PEAK1: variants seen among roughly 807,000 people sequenced by gnomAD.
The protein encoded by PEAK1 is inactive tyrosine-protein kinase PEAK1.
In PEAK1, 54 loss-of-function variants were observed where a neutral mutation model predicts 124.7. The ratio of observed to expected loss-of-function variants is 0.43; its 90% CI spans 0.35 to 0.54. The LOEUF (loss-of-function observed/expected upper bound fraction) is 0.54, where lower values mean the gene tolerates loss of function less well. Among genes scored for constraint, PEAK1 ranks in the 20% least tolerant of loss-of-function variants. The pLI is 0.01. For synonymous variants in PEAK1, 719 were observed against 760.0 expected (o/e 0.95, Z 0.89); for missense variants, 2,046 against 2,134.5 (o/e 0.96, Z 0.82).
chr15:77,345,735 A>AT, intron 2 of PEAK1: 6 of 247,646 alleles, frequency 2.4e-5, no homozygotes, highest in Non-Finnish European at 3.9e-5. Context: ...GGCTAAAATA[A>AT]TTTTTTTTGT....
At chr15:77,364,693 A>G (rs1049058860) in intron 2 of PEAK1, among the ~76,000 whole-genome samples, 5 of 152,248 alleles carry the variant, frequency 3.3e-5, no homozygotes, top group Non-Finnish European at 7.3e-5. Context: ...ATAGAAGGCA[A>G]CTATTAACCT....
At chr15:77,322,254 C>A (rs555804555) in intron 2 of PEAK1, among the ~76,000 whole-genome samples, 41 of 152,188 alleles carry the variant, frequency 2.7e-4, no homozygotes, top group African/African-American at 9.6e-4. Flanking sequence ...CAAAAGCTAG[C>A]AGAAGGCAAG....
downstream of PEAK1, chr15:77,106,229 T>C (rs985828667): frequency 1.3e-5 from 2 of 152,284 alleles, no homozygotes; most frequent in African/African-American, 4.8e-5. Context: ...TTTATTTCTG[T>C]AACCAGTTAC....
intron 2 of PEAK1, chr15:77,349,966 C>G: frequency 1.0e-6 from 1 of 985,000 alleles, no homozygotes. Context: ...CAAATTCTTC[C>G]TTTAAAAAGG....
At chr15:77,230,205 C>CTT (rs35142497) in intron 6 of PEAK1, among the ~76,000 whole-genome samples, 1 of 148,022 alleles carries the variant, frequency 6.8e-6, no homozygotes. Context: ...TGAGATAAGT[C>CTT]TTTTTTTTTT....
intron 2 of PEAK1, among the ~76,000 whole-genome samples, chr15:77,338,659 A>AT (rs1168751010): frequency 6.7e-6 from 1 of 150,000 alleles, no homozygotes; most frequent in Non-Finnish European, 1.5e-5. Flanking sequence ...ATATATATAT[A>AT]TATGTATCTA....
chr15:77,163,419 T>C lies in PEAK1; in HGVS notation c.3138-4723A>G, dbSNP rs568389578. On this transcript the variant is annotated intron_variant, in intron 7 of 9. Transcript: ENST00000682557. ...GGTTGTATCTCATCAGTCTGCCATA[T>C]TCATACATAATTCAAAGCTGCAGAA... Among the ~76,000 whole-genome samples the C allele has an allele frequency of 4.7e-4, 72 of 152,344 alleles. No homozygotes were observed. The Middle Eastern group carries it at 0.014, about 29-fold the overall frequency.
intron 1 of PEAK1, among the ~76,000 whole-genome samples, chr15:77,388,063 T>G (rs2070107960): frequency 6.6e-6 from 1 of 152,084 alleles, no homozygotes; most frequent in Non-Finnish European, 1.5e-5. Context: ...CGTGGTGGTG[T>G]GCACCTGTGG....
intron 2 of PEAK1, among the ~76,000 whole-genome samples, chr15:77,301,328 T>C (rs1232164561): frequency 3.3e-5 from 5 of 152,174 alleles, no homozygotes; most frequent in African/African-American, 7.2e-5. Context: ...ACACCCCTCA[T>C]TGGATTTAGA....
intron 6 of PEAK1, among the ~76,000 whole-genome samples, chr15:77,204,077 A>G (rs2058508085): frequency 6.6e-6 from 1 of 152,228 alleles, no homozygotes; most frequent in African/African-American, 2.4e-5. Context: ...TAAGAAAATG[A>G]ACAACCAATT....
chr15:77,183,032 G>A (rs2057365521), intron 6 of PEAK1, among the ~76,000 whole-genome samples: 1 of 152,056 alleles, frequency 6.6e-6, no homozygotes. Context: ...GGAAGAAGGG[G>A]GAAAGGTAAG....
At chr15:77,186,377 T>C (rs1282684998) in intron 6 of PEAK1, among the ~76,000 whole-genome samples, 1 of 152,218 alleles carries the variant, frequency 6.6e-6, no homozygotes, top group East Asian at 1.9e-4. Context: ...TAAAAGTAAG[T>C]TAATTCAGTC....
At chr15:77,211,848 C>CAAA (rs34360713) in intron 6 of PEAK1, among the ~76,000 whole-genome samples, 42 of 49,464 alleles carry the variant, frequency 8.5e-4, no homozygotes, top group East Asian at 1.3e-3. Flanking sequence ...AACTCCATCT[C>CAAA]AAAAAAAAAA....
chr15:77,165,438 C>A (rs2056017390), intron 7 of PEAK1, among the ~76,000 whole-genome samples: 1 of 152,150 alleles, frequency 6.6e-6, no homozygotes, highest in African/African-American at 2.4e-5. Flanking sequence ...CTCAGGTAAT[C>A]CGCCTGCCTC....
intron 2 of PEAK1, among the ~76,000 whole-genome samples, chr15:77,288,813 C>T (rs1163368419): frequency 6.6e-6 from 1 of 151,498 alleles, no homozygotes; most frequent in Non-Finnish European, 1.5e-5. Flanking sequence ...CCTGTAGTCC[C>T]AGCTACTCGG....
intron 1 of PEAK1, among the ~76,000 whole-genome samples, chr15:77,391,093 T>C (rs900833728): frequency 6.6e-6 from 1 of 152,150 alleles, no homozygotes; most frequent in African/African-American, 2.4e-5. Flanking sequence ...TGACTCTCCT[T>C]ATTCCTGGGT....
intron 5 of PEAK1, among the ~76,000 whole-genome samples, chr15:77,265,515 T>C (rs2061674258): frequency 6.6e-6 from 1 of 152,180 alleles, no homozygotes; most frequent in African/African-American, 2.4e-5. Context: ...ATGCTCACCA[T>C]CACTGGCCAT....
At chr15:77,202,672 A>G (rs1276454878) in intron 6 of PEAK1, among the ~76,000 whole-genome samples, 1 of 149,192 alleles carries the variant, frequency 6.7e-6, no homozygotes, top group African/African-American at 2.4e-5. Flanking sequence ...CAGGAGGCTG[A>G]GGCAGGAGAA....
In PEAK1 at chr15:77,365,227, T is replaced by C. The variant is rs2068141708; in HGVS notation, c.-665-2A>G. On this transcript the variant is annotated splice_acceptor_variant, in intron 1 of 9. Coordinates refer to ENST00000682557, the MANE Select transcript of PEAK1 (RefSeq NM_001385026.1). LOFTEE classifies it low-confidence loss of function (5UTR_SPLICE). ...ATAAGTTCCAGTTTGGGCAGATACC[T>C]GAATTGTAAAAAACAAACAGAAAAA... 1 of 981,718 alleles carries C rather than the reference T, an allele frequency of 1.0e-6. No individual in the cohort carries two copies. The highest frequency in any genetic ancestry group is 1.2e-6 in the Non-Finnish European group (1 of 826,588). 60.8% of individuals were successfully genotyped at this position (981,718 alleles called of 1,614,324 possible). A position where few individuals can be genotyped will look rare whatever the true frequency, so the allele number is the denominator to read the frequency against.
Sources: gnomAD v4.1 joint callset for allele counts (sites outside exome capture counted in the v4.1 genomes callset) on GRCh38, gnomAD v4.1.1 for gene constraint, MANE v1.5 for transcripts, NCBI Gene and HGNC (gene_info 2026-07-23, HGNC 2026-07-21) for gene names.